The following LCOR variants were observed in gnomAD, a reference collection of about 807,000 sequenced individuals.
The protein encoded by LCOR is ligand-dependent corepressor.
Under a neutral mutation model 64.4 loss-of-function variants are expected in LCOR, and 14 were observed. The ratio of observed to expected loss-of-function variants is 0.22; its 90% CI spans 0.14 to 0.34. The LOEUF is 0.34. Ranked by LOEUF, LCOR falls within the 10% of genes least tolerant of loss-of-function variation. The pLI is 1.00. For missense variants in LCOR, 1,686 were observed against 1,765.3 expected, an observed-to-expected ratio of 0.96 and a Z score of 0.80; for synonymous variants, 643 against 642.5, an observed-to-expected ratio of 1.00 and a Z score of -0.01.
chr10:96,968,669 T>C (rs181314791), intron 7 of LCOR, among the ~76,000 whole-genome samples: 70 of 152,292 alleles, frequency 4.6e-4, no homozygotes, highest in African/African-American at 9.1e-4. Context: ...ATGCCATGGC[T>C]CACTTCTGTA....
At chr10:96,833,938 A>C (rs1337264079) in intron 2 of LCOR, among the ~76,000 whole-genome samples, 1 of 152,190 alleles carries the variant, frequency 6.6e-6, no homozygotes, top group Non-Finnish European at 1.5e-5. Flanking sequence ...GGAGAGGCTC[A>C]GTTTGGAAGA....
intron 2 of LCOR, among the ~76,000 whole-genome samples, chr10:96,856,946 G>A (rs1845814987): frequency 6.6e-6 from 1 of 151,936 alleles, no homozygotes; most frequent in South Asian, 2.1e-4. Flanking sequence ...GGAATAGTAG[G>A]GAACAGTATG....
intron 4 of LCOR, among the ~76,000 whole-genome samples, chr10:96,923,855 G>A (rs1847122596): frequency 1.3e-5 from 2 of 152,136 alleles, no homozygotes; most frequent in Admixed American, 6.5e-5. Context: ...CCCACAGGCT[G>A]TTTTTATAAT....
rs1307072544 is a variant in LCOR at position 96,930,814 on chromosome 10, T to G, written c.-183-13299T>G. Among the ~76,000 whole-genome samples the G allele has an allele frequency of 2.6e-5, 4 of 152,200 alleles. No homozygotes were observed. The East Asian group carries it at 7.7e-4, about 29-fold the overall frequency. ...TAGGGTTAGGCTAGCTTACTTGCCC[T>G]TCTCTGCCTTCTGCCATGTGAGAGC... On this transcript the variant is annotated intron_variant, in intron 4 of 7. Transcript: ENST00000421806.
intron 2 of LCOR, among the ~76,000 whole-genome samples, chr10:96,857,931 A>G (rs1228393770): frequency 6.6e-6 from 1 of 152,196 alleles, no homozygotes; most frequent in East Asian, 1.9e-4. Context: ...AAGTCTTCTT[A>G]CCATAAAATA....
intron 2 of LCOR, among the ~76,000 whole-genome samples, chr10:96,876,578 A>G (rs932334649): frequency 1.3e-5 from 2 of 152,262 alleles, no homozygotes; most frequent in East Asian, 1.9e-4. Context: ...ACTTTCTGCC[A>G]TATATTAGAA....
intron 2 of LCOR, among the ~76,000 whole-genome samples, chr10:96,837,201 A>G (rs1044949638): frequency 4.6e-5 from 7 of 152,136 alleles, no homozygotes; most frequent in South Asian, 2.1e-4. Context: ...CGTGTTAGCC[A>G]GGATGGTCTT....
At chr10:96,860,335 T>C (rs1240910922) in intron 2 of LCOR, among the ~76,000 whole-genome samples, 1 of 151,966 alleles carries the variant, frequency 6.6e-6, no homozygotes, top group Non-Finnish European at 1.5e-5. Flanking sequence ...AAGTGATAAC[T>C]CCAGAAGAAG....
At chr10:96,952,606 G>T (rs1443874020) in intron 7 of LCOR, among the ~76,000 whole-genome samples, 2 of 151,930 alleles carry the variant, frequency 1.3e-5, no homozygotes, top group African/African-American at 4.8e-5. Context: ...TGTTTCTTTT[G>T]GGTTTGGTTT....
At chr10:96,933,758 T>TA (rs1847303148) in intron 4 of LCOR, among the ~76,000 whole-genome samples, 1 of 152,132 alleles carries the variant, frequency 6.6e-6, no homozygotes, top group African/African-American at 2.4e-5. Flanking sequence ...GACCTCGTGA[T>TA]ACACCCGCCT....
intron 2 of LCOR, among the ~76,000 whole-genome samples, chr10:96,840,916 T>C (rs1845528865): frequency 1.3e-5 from 2 of 152,220 alleles, no homozygotes; most frequent in South Asian, 4.1e-4. Flanking sequence ...GGCAGGCAAG[T>C]CGCTTGAGCC....
intron 4 of LCOR, among the ~76,000 whole-genome samples, chr10:96,923,838 A>T (rs1404722790): frequency 6.6e-6 from 1 of 152,184 alleles, no homozygotes. Flanking sequence ...CTTGTCACTA[A>T]ATCTAGCCCA....
intron 4 of LCOR, among the ~76,000 whole-genome samples, chr10:96,924,673 G>A (rs533296259): frequency 6.6e-4 from 100 of 151,498 alleles, no homozygotes; most frequent in African/African-American, 2.4e-3. Context: ...TTATTATTTA[G>A]TCATTTTTGT....
At chr10:96,911,903 G>A (rs1306827998) in intron 4 of LCOR, among the ~76,000 whole-genome samples, 4 of 152,078 alleles carry the variant, frequency 2.6e-5, no homozygotes, top group Non-Finnish European at 5.9e-5. Context: ...AATTCTCTGT[G>A]TACTGCTTAT....
In LCOR at chr10:96,983,791, A is replaced by G; in HGVS notation, c.3331A>G (p.Ile1111Val). 6.2e-7 allele frequency: 1 copy of G among 1,614,190 alleles called. No individual in the cohort carries two copies. Residue 1111 changes from isoleucine (I) to valine (V), a missense_variant, in exon 8 of 8, where the codon ATC becomes GTC. Around this residue, in one of 3 missense-constraint regions of LCOR, gnomAD observed 1,293 missense variants for 1,410.4 expected, o/e 0.92. Transcript: ENST00000421806. The surrounding 1 kb of genome is among the most constrained non-coding windows in gnomAD (Gnocchi z 4.5). ...TGCTGAGGAGGAGAACCAAGAGCTC[A>G]TCGCCAACTTCAATGCCCAGTACAT... Reference protein sequence around the residue: ...WCAEEENQELIANFNAQYMKV... With the variant: ...WCAEEENQELVANFNAQYMKV...
intron 2 of LCOR, among the ~76,000 whole-genome samples, chr10:96,848,960 T>C (rs901293414): frequency 6.7e-6 from 1 of 149,084 alleles, no homozygotes; most frequent in African/African-American, 2.4e-5. Flanking sequence ...TTTTTGAAAC[T>C]ATCAAGAAAC....
intron 7 of LCOR, chr10:96,956,836 A>G (rs1847791829): frequency 1.0e-6 from 1 of 985,640 alleles, no homozygotes; most frequent in Admixed American, 6.1e-5. Flanking sequence ...GTCCTTTTAC[A>G]GAATTGATGT....
chr10:96,893,101 G>C (rs1227863259), intron 2 of LCOR, among the ~76,000 whole-genome samples: 2 of 151,870 alleles, frequency 1.3e-5, no homozygotes, highest in Admixed American at 6.6e-5. Flanking sequence ...CTTGGTGTTT[G>C]TCCTGGGGAT....
At chr10:96,894,220 C>T (rs1202312359) in intron 2 of LCOR, among the ~76,000 whole-genome samples, 1 of 152,092 alleles carries the variant, frequency 6.6e-6, no homozygotes, top group East Asian at 1.9e-4. Context: ...GCCTCCCGAG[C>T]AGCTGGGACT....
Sources: gnomAD v4.1 joint callset for allele counts (sites outside exome capture counted in the v4.1 genomes callset) on GRCh38, gnomAD v4.1.1 for gene constraint, gnomAD v4.1.1 regional missense constraint, Gnocchi (gnomAD v3.1) non-coding constraint, MANE v1.5 for transcripts, NCBI Gene and HGNC (gene_info 2026-07-23, HGNC 2026-07-21) for gene names.